SLC26A3: variants seen among roughly 807,000 people sequenced by gnomAD.
SLC26A3 encodes solute carrier family 26 member 3, also known as chloride anion exchanger.
SLC26A3 carries 64 observed loss-of-function variants against 85.6 expected under a neutral mutation model. The ratio of observed to expected loss-of-function variants is 0.75; its 90% CI spans 0.61 to 0.92. The LOEUF is 0.92. SLC26A3 is among the 40% of genes least tolerant of loss of function. SLC26A3 has a pLI of 0.00. For missense variants in SLC26A3, 922 were observed against 927.3 expected (o/e 0.99, Z 0.07); for synonymous variants, 349 against 336.0 (o/e 1.04, Z -0.42).
At chr7:107,779,212 T>C (rs1424562618) in intron 12 of SLC26A3, among the ~76,000 whole-genome samples, 1 of 152,180 alleles carries the variant, frequency 6.6e-6, no homozygotes, top group East Asian at 1.9e-4. Context: ...TTGACCCTGT[T>C]AAAATAGCAA....
intron 1 of SLC26A3, among the ~76,000 whole-genome samples, chr7:107,799,172 G>A (rs1055673557): frequency 2.6e-5 from 4 of 152,118 alleles, no homozygotes; most frequent in African/African-American, 9.7e-5. Flanking sequence ...AAAGGCTGAG[G>A]TGGGCAATAA....
At chr7:107,774,653 A>G (rs982627264) in intron 16 of SLC26A3, 124 bp downstream of exon 16, 1 of 772,284 alleles carries the variant, frequency 1.3e-6, no homozygotes, top group African/African-American at 1.7e-5. Context: ...AAAATATAAC[A>G]CTCATTGACA....
chr7:107,802,669 G>A (rs1054552956), intron 1 of SLC26A3, among the ~76,000 whole-genome samples: 51 of 151,102 alleles, frequency 3.4e-4, no homozygotes, highest in Non-Finnish European at 1.5e-4. Context: ...GCCTGGCTGG[G>A]ACCAGATGGC....
intron 18 of SLC26A3, among the ~76,000 whole-genome samples, chr7:107,769,170 G>A (rs150898664): frequency 5.9e-5 from 9 of 152,238 alleles, no homozygotes; most frequent in African/African-American, 2.2e-4. Context: ...ACAGTGTGGC[G>A]ATTCCTCACA....
rs1794359511 is a variant in SLC26A3, at chr7:107,789,636, G to T, written c.623C>A (p.Ser208Tyr). 2 of 1,614,002 alleles carry T rather than the reference G, an allele frequency of 1.2e-6. No homozygotes were observed. The highest frequency in any genetic ancestry group is 1.7e-6 in the Non-Finnish European group (2 of 1,179,942). Residue 208 changes from serine to tyrosine, a missense_variant, in exon 6 of 21, where the codon TCC becomes TAC. Physicochemically the swap from Ser to Tyr is moderately radical, Grantham distance 144. Coordinates refer to ENST00000340010, the MANE Select transcript of SLC26A3 (RefSeq NM_000111.3). ...IGFVVIYLSESLISGFTTAAA... is the reference protein window; with the variant it reads ...IGFVVIYLSEYLISGFTTAAA... The stretch of plus-strand genomic sequence containing the variant: ...AGCAGTAGTGAAGCCACTGATGAGG[G>T]ACTCAGACAGGTATATCACTACAAA...
At chr7:107,790,705 C>T (rs1271151715) in intron 5 of SLC26A3, among the ~76,000 whole-genome samples, 1 of 152,124 alleles carries the variant, frequency 6.6e-6, no homozygotes, top group African/African-American at 2.4e-5. Flanking sequence ...TTCTTGTATA[C>T]AGTTATGTTT....
intron 1 of SLC26A3, among the ~76,000 whole-genome samples, chr7:107,801,818 G>A (rs1794602001): frequency 6.6e-6 from 1 of 151,674 alleles, no homozygotes; most frequent in South Asian, 2.1e-4. Flanking sequence ...GGTGGCACAT[G>A]CCTGTAATCC....
chr7:107,783,454 G>A lies in SLC26A3; in HGVS notation c.972-102C>T, dbSNP rs1463371031. 13 of 1,379,490 alleles carry A rather than the reference G, an allele frequency of 9.4e-6. No individual in the cohort carries two copies. In the East Asian group the frequency reaches 2.5e-4, roughly 27 times the overall value. The allele number at this position is 1,379,490 out of a possible 1,614,324, so 85.5% of individuals were successfully genotyped here. A position where few individuals can be genotyped will look rare whatever the true frequency, so the allele number is the denominator to read the frequency against. ...ATGAATGCAATCTAGGCTGAGTTGTGTCTCACTTTGGAGTATGATTAACGA... is the reference window on the plus strand; with the variant it reads ...ATGAATGCAATCTAGGCTGAGTTGTATCTCACTTTGGAGTATGATTAACGA... On this transcript the variant is annotated intron_variant, in intron 8 of 20. Coordinates refer to ENST00000340010, the MANE Select transcript of SLC26A3 (RefSeq NM_000111.3).
intron 11 of SLC26A3, 43 bp downstream of exon 11, chr7:107,782,754 A>G: frequency 6.4e-7 from 1 of 1,572,506 alleles, no homozygotes; most frequent in Non-Finnish European, 8.8e-7. Context: ...GGGGTCCTTG[A>G]TTTACCACTA....
In SLC26A3 at chr7:107,774,149, C is replaced by G. The variant is rs767584363; in HGVS notation, c.1778G>C (p.Gly593Ala). 7 of 1,610,878 alleles carry G rather than the reference C, an allele frequency of 4.3e-6. No individual in the cohort carries two copies. The highest frequency in any genetic ancestry group is 5.1e-6 in the Non-Finnish European group (6 of 1,177,048). ...KQGLLQVTPK[G>A]FICTVDTIKD... ...TATGGTGTCAACAGTACATATAAATCCTTTCTGCAGGAGAGGATAACAAGT... is the reference window on the plus strand; with the variant it reads ...TATGGTGTCAACAGTACATATAAATGCTTTCTGCAGGAGAGGATAACAAGT... Residue 593 changes from glycine to alanine, a missense_variant, in exon 17 of 21, where the codon GGA (glycine) becomes GCA (alanine). Transcript: ENST00000340010.
At chr7:107,797,591 G>A (rs914294184) in intron 1 of SLC26A3, among the ~76,000 whole-genome samples, 3 of 152,012 alleles carry the variant, frequency 2.0e-5, no homozygotes, top group South Asian at 2.1e-4. Context: ...ACCCATCCCC[G>A]CTTCCAAAAG....
intron 6 of SLC26A3, 28 bp from the exon 7 acceptor site, chr7:107,787,537 A>G: frequency 6.2e-7 from 1 of 1,600,210 alleles, no homozygotes; most frequent in Non-Finnish European, 8.5e-7. Context: ...AAAACCACCA[A>G]AGCCCTATAT....
At position 107,791,183 on chromosome 7, in the gene SLC26A3, A is replaced by C. The variant is rs769497194; in HGVS notation, c.435T>G (p.Val145=). ...CATTGCGATCTGGGACTGCTTTTGA[A>C]ACTGCTCCTGAAACTGCTAGTCCCA... ...MMVGLAVSGA[V]SKAVPDRNAT... The change falls in exon 5 of 21, where the codon GTT becomes GTG. Residue 145 remains valine (V), a synonymous_variant. Transcript: ENST00000340010. 6.2e-7 allele frequency: 1 copy of C among 1,614,126 alleles called. No homozygotes were observed. Among genetic ancestry groups the C allele is most frequent in the South Asian group, 1.1e-5 (1 of 91,076 alleles).
At position 107,765,651 on chromosome 7, in the gene SLC26A3, A is replaced by G. The variant is rs1793899622; in HGVS notation, c.*204T>C. On this transcript the variant is annotated 3_prime_UTR_variant, in exon 21 of 21. Coordinates refer to ENST00000340010, the MANE Select transcript of SLC26A3 (RefSeq NM_000111.3). ...AATTTTCACCCTTTGATAAAGCTAC[A>G]AGATATAAAATTTAGAATACTTATA... The G allele has an allele frequency of 1.5e-5, 8 of 525,722 alleles. No individual in the cohort carries two copies. In the East Asian group the frequency reaches 2.4e-4, roughly 16 times the overall value. The allele number at this position is 525,722 out of a possible 1,614,324, so 32.6% of individuals were successfully genotyped here.
At position 107,792,061 on chromosome 7, in the gene SLC26A3, T is replaced by C. The variant is rs1006107026; in HGVS notation, c.272-121A>G. Reference sequence around the variant, plus strand: ...AATAAGTTACCTCATTAATTCAAAATGTATTAAAGATGTAAATGTAAGAAC... The same window carrying C: ...AATAAGTTACCTCATTAATTCAAAACGTATTAAAGATGTAAATGTAAGAAC... On this transcript the variant is annotated intron_variant, in intron 3 of 20. Transcript: ENST00000340010. 6.0e-6 allele frequency: 4 copies of C among 666,276 alleles called. No homozygotes were observed. The East Asian group carries it at 8.4e-5, about 14-fold the overall frequency. 41.3% of individuals were successfully genotyped at this position (666,276 alleles called of 1,614,324 possible). A position where few individuals can be genotyped will look rare whatever the true frequency, so the allele number is the denominator to read the frequency against.
intron 8 of SLC26A3, among the ~76,000 whole-genome samples, chr7:107,783,919 A>G (rs757918474): frequency 1.6e-4 from 25 of 152,232 alleles, no homozygotes; most frequent in Non-Finnish European, 3.4e-4. Context: ...TTAAGGTGAT[A>G]TATGTCAGAG....
chr7:107,770,343 A>T (rs1229910198), intron 18 of SLC26A3, among the ~76,000 whole-genome samples: 1 of 132,724 alleles, frequency 7.5e-6, no homozygotes, highest in Non-Finnish European at 1.6e-5. Context: ...CGCAGCCTTG[A>T]CCTCCCAGGC....
At chr7:107,783,480 G>C in intron 8 of SLC26A3, 128 bp from the exon 9 acceptor site, 1 of 1,103,574 alleles carries the variant, frequency 9.1e-7, no homozygotes, top group Admixed American at 1.9e-5. Context: ...TGATTAACGA[G>C]AATTTAGCTC....
chr7:107,789,498 A>AT (rs1562880269), intron 6 of SLC26A3, 26 bp downstream of exon 6: 1 of 1,607,070 alleles, frequency 6.2e-7, no homozygotes, highest in Admixed American at 1.7e-5. Context: ...GTATTTCAGT[A>AT]TTTTTTAGGT....
Sources: allele counts gnomAD v4.1 joint callset (sites outside exome capture counted in the v4.1 genomes callset), GRCh38; gene constraint gnomAD v4.1.1; transcripts MANE v1.5; gene names NCBI Gene and HGNC (gene_info 2026-07-23, HGNC 2026-07-21).